PRIMA1: variants seen among roughly 807,000 people sequenced by gnomAD.
The protein encoded by PRIMA1 is proline-rich membrane anchor 1.
In PRIMA1, 7 loss-of-function variants were observed where a neutral mutation model predicts 17.5. That is an observed-to-expected ratio of 0.40 (90% CI 0.23 to 0.75). The LOEUF (loss-of-function observed/expected upper bound fraction) is 0.75, where lower values mean the gene tolerates loss of function less well. Among genes scored for constraint, PRIMA1 ranks in the 30% least tolerant of loss-of-function variants. The pLI, the probability that PRIMA1 is intolerant of heterozygous loss-of-function variation, is 0.37. For missense variants in PRIMA1, 200 were observed against 201.8 expected (o/e 0.99, Z 0.05); for synonymous variants, 97 against 77.9 (o/e 1.25, Z -1.29).
intron 3 of PRIMA1, among the ~76,000 whole-genome samples, chr14:93,764,196 C>G (rs1884819470): frequency 1.3e-5 from 2 of 152,066 alleles, no homozygotes; most frequent in Admixed American, 6.5e-5. Context: ...GCCCTCACCC[C>G]TCTGGCTCAT....
At chr14:93,762,084 C>T (rs960159607) in intron 3 of PRIMA1, among the ~76,000 whole-genome samples, 2 of 152,024 alleles carry the variant, frequency 1.3e-5, no homozygotes, top group African/African-American at 2.4e-5. Flanking sequence ...AGGGCCTGGG[C>T]GGTAATGTGG....
chr14:93,721,162 C>A lies in PRIMA1; in HGVS notation c.*282G>T. 1 of 420,036 alleles carries A rather than the reference C, an allele frequency of 2.4e-6. No homozygotes were observed. 26.0% of individuals were successfully genotyped at this position (420,036 alleles called of 1,614,324 possible). ...GCTTTAGACAGCAGCTGGGGGCAGTCGACAGACCAGACACCAGACAGGGAG... is the reference window on the plus strand; with the variant it reads ...GCTTTAGACAGCAGCTGGGGGCAGTAGACAGACCAGACACCAGACAGGGAG... On this transcript the variant is annotated 3_prime_UTR_variant, in exon 5 of 5. Coordinates refer to ENST00000393140, the MANE Select transcript of PRIMA1 (RefSeq NM_178013.4).
chr14:93,755,136 C>T (rs982485939), intron 3 of PRIMA1, among the ~76,000 whole-genome samples: 3 of 152,126 alleles, frequency 2.0e-5, no homozygotes, highest in Admixed American at 6.5e-5. Context: ...AAACCCGAGG[C>T]CTAAGAGTTA....
rs1307228268 is a variant in PRIMA1, at chr14:93,726,024, G to A, written c.360-4478C>T. On this transcript the variant is annotated intron_variant, in intron 4 of 4. Transcript: ENST00000393140. The surrounding 1 kb of genome is among the most constrained non-coding windows in gnomAD (Gnocchi z 4.2). ...CATGGTTCCTAGAAACCAAGAGAGA[G>A]GTTAGTGAGACTTTCCTTGGCGGCA... The A allele has an allele frequency of 2.2e-6, 1 of 456,606 alleles. No homozygotes were observed. The highest frequency in any genetic ancestry group is 4.4e-6 in the Non-Finnish European group (1 of 226,914). 28.3% of individuals were successfully genotyped at this position (456,606 alleles called of 1,614,324 possible).
At chr14:93,783,166 G>A (rs74073750) in intron 2 of PRIMA1, among the ~76,000 whole-genome samples, 5,413 of 152,244 alleles carry the variant, frequency 0.036, 254 homozygotes, top group African/African-American at 0.11. Context: ...GTCTTAGGGC[G>A]GGCAGGTAGA....
rs747126450 is a variant in PRIMA1 at position 93,721,555 on chromosome 14, G to A, written c.360-9C>T. 12 of 1,586,210 alleles carry A rather than the reference G, an allele frequency of 7.6e-6. No individual in the cohort carries two copies. The highest frequency in any genetic ancestry group is 2.2e-5 in the South Asian group (2 of 90,340). ...CTTTTCTCAGTGGTTTCCTGGAAGT[G>A]GGGGGAGGGGACAGGAAAGGCAAAG... is the stretch of plus-strand genomic sequence containing the variant. On this transcript the variant is annotated splice_polypyrimidine_tract_variant and intron_variant, in intron 4 of 4. Transcript: ENST00000393140.
At position 93,763,524 on chromosome 14, in the gene PRIMA1, G is replaced by A. The variant is rs376947568; in HGVS notation, c.229+15652C>T. Among the ~76,000 whole-genome samples, 7 of 152,262 alleles carry A rather than the reference G, an allele frequency of 4.6e-5. No individual in the cohort carries two copies. The East Asian group carries it at 7.7e-4, about 17-fold the overall frequency. On this transcript the variant is annotated intron_variant, in intron 3 of 4. Transcript: ENST00000393140. ...CGATTGTCTTCCATGGCCCCCAGCC[G>A]AAGCAGCCATTTGTTTCAGAGCTGG... is the stretch of plus-strand genomic sequence containing the variant.
At chr14:93,764,541 C>T (rs1053661237) in intron 3 of PRIMA1, among the ~76,000 whole-genome samples, 3 of 152,136 alleles carry the variant, frequency 2.0e-5, no homozygotes, top group African/African-American at 7.2e-5. Context: ...TTCTCCACTG[C>T]GTCATCCTCA....
At chr14:93,785,634 T>C (rs1191765882) in intron 2 of PRIMA1, among the ~76,000 whole-genome samples, 4 of 152,236 alleles carry the variant, frequency 2.6e-5, no homozygotes, top group Admixed American at 2.0e-4. Flanking sequence ...ATTTCCATTT[T>C]TCCTCTTCTC....
chr14:93,787,645 G>C lies in PRIMA1; in HGVS notation c.74C>G (p.Pro25Arg). The change falls in exon 2 of 5, where the codon CCG becomes CGG. Residue 25 changes from proline to arginine, a missense_variant. Pro to Arg is a moderately radical substitution (Grantham distance 103). Coordinates refer to ENST00000393140, the MANE Select transcript of PRIMA1 (RefSeq NM_178013.4). ...SSLLLHCALH[P>R]LWGFVQVTHG... ...TCTCACCTGCACGAAGCCCCAGAGC[G>C]GGTGGAGCGCGCAGTGCAGCAGCAG... 4.5e-6 allele frequency: 7 copies of C among 1,542,672 alleles called. No homozygotes were observed. Among genetic ancestry groups the C allele is most frequent in the East Asian group, 2.4e-5 (1 of 40,904 alleles).
intron 4 of PRIMA1, among the ~76,000 whole-genome samples, chr14:93,724,581 C>A (rs2076062416): frequency 6.6e-6 from 1 of 152,146 alleles, no homozygotes. Context: ...ATGGCCTGGA[C>A]AATTTGTGGG....
At chr14:93,741,699 G>C (rs2076185397) in intron 3 of PRIMA1, among the ~76,000 whole-genome samples, 1 of 152,204 alleles carries the variant, frequency 6.6e-6, no homozygotes, top group Non-Finnish European at 1.5e-5. Flanking sequence ...GAAGGTGAAG[G>C]TTATTTCAGG....
rs80337885 is a variant in PRIMA1, at chr14:93,781,028, C to A, written c.94-1717G>T. ...CCCCCCGGGGCTGGGAGGCTCCCAT[C>A]GCACCTGGAAGATGTGGAGAAGTAA... is the stretch of plus-strand genomic sequence containing the variant. On this transcript the variant is annotated intron_variant, in intron 2 of 4. Coordinates refer to ENST00000393140, the MANE Select transcript of PRIMA1 (RefSeq NM_178013.4). Among the ~76,000 whole-genome samples, 316 of 152,362 alleles carry A rather than the reference C, an allele frequency of 2.1e-3. 4 individuals carry two copies. The East Asian group carries it at 0.044, about 21-fold the overall frequency.
At chr14:93,744,669 C>A (rs1174298362) in intron 3 of PRIMA1, among the ~76,000 whole-genome samples, 2 of 152,216 alleles carry the variant, frequency 1.3e-5, no homozygotes, top group African/African-American at 4.8e-5. Context: ...ATTCAGGGCC[C>A]CCCCACGCCT....
chr14:93,787,175 A>G (rs1210222583), intron 2 of PRIMA1, among the ~76,000 whole-genome samples: 2 of 152,188 alleles, frequency 1.3e-5, no homozygotes, highest in Non-Finnish European at 2.9e-5. Flanking sequence ...ACCATGCATT[A>G]TCTGTCTACA....
intron 3 of PRIMA1, among the ~76,000 whole-genome samples, chr14:93,746,332 T>G (rs1037173112): frequency 9.9e-5 from 15 of 151,506 alleles, no homozygotes; most frequent in Admixed American, 8.5e-4. Context: ...GGGTGCAGGG[T>G]TGGGGGGCTC....
intron 3 of PRIMA1, among the ~76,000 whole-genome samples, chr14:93,767,757 C>T (rs192454393): frequency 6.6e-6 from 1 of 152,120 alleles, no homozygotes; most frequent in Non-Finnish European, 1.5e-5. Context: ...CCCTACACAC[C>T]CCCCCTCTCC....
Position 93,726,986 on chromosome 14 carries a change from T to C in PRIMA1, c.360-5440A>G, listed in dbSNP as rs988907835. Among the ~76,000 whole-genome samples, 2 of 152,216 alleles carry C rather than the reference T, an allele frequency of 1.3e-5. No individual in the cohort carries two copies. The highest frequency in any genetic ancestry group is 2.4e-5 in the African/African-American group (1 of 41,442). On this transcript the variant is annotated intron_variant, in intron 4 of 4. Coordinates refer to ENST00000393140, the MANE Select transcript of PRIMA1 (RefSeq NM_178013.4). The surrounding 1 kb of genome is among the most constrained non-coding windows in gnomAD (Gnocchi z 4.2). ...AGCGTTCCATGATGAGACTCCTCTG[T>C]AGACCTCAGACTTCCCCAAACCTGG...
At chr14:93,757,888 T>C (rs1337898405) in intron 3 of PRIMA1, among the ~76,000 whole-genome samples, 1 of 152,212 alleles carries the variant, frequency 6.6e-6, no homozygotes, top group Non-Finnish European at 1.5e-5. Flanking sequence ...TCTCCTCACT[T>C]CTAAGAGGAA....
Sources: allele counts gnomAD v4.1 joint callset (sites outside exome capture counted in the v4.1 genomes callset), GRCh38; gene constraint gnomAD v4.1.1; non-coding constraint Gnocchi (gnomAD v3.1); transcripts MANE v1.5; gene names NCBI Gene and HGNC (gene_info 2026-07-23, HGNC 2026-07-21).